SIPA1L3: variants seen among roughly 807,000 people sequenced by gnomAD.
SIPA1L3 encodes signal induced proliferation associated 1 like 3.
SIPA1L3 carries 59 observed loss-of-function variants against 150.1 expected under a neutral mutation model. The ratio of observed to expected loss-of-function variants is 0.39; its 90% CI spans 0.32 to 0.49. The LOEUF (loss-of-function observed/expected upper bound fraction) is 0.49. Ranked by LOEUF, SIPA1L3 falls within the 20% of genes least tolerant of loss-of-function variation. The pLI is 0.86. For synonymous variants in SIPA1L3, 1,070 were observed against 1,077.6 expected (o/e 0.99, Z 0.14); for missense variants, 2,211 against 2,489.5 (o/e 0.89, Z 2.38).
chr19:37,967,192 A>C (rs886378720), intron 1 of SIPA1L3, among the ~76,000 whole-genome samples: 3 of 150,346 alleles, frequency 2.0e-5, no homozygotes, highest in Admixed American at 6.6e-5. Context: ...CAGCACCCTG[A>C]TCTCTGCCCT....
intron 1 of SIPA1L3, among the ~76,000 whole-genome samples, chr19:37,977,843 T>C (rs556501923): frequency 5.3e-5 from 8 of 152,286 alleles, no homozygotes; most frequent in Admixed American, 4.6e-4. Context: ...GTCCAGAAAT[T>C]GAGGGTCCTG....
At position 37,923,822 on chromosome 19, in the gene SIPA1L3, C is replaced by T. The variant is rs751799316; in HGVS notation, c.-379+16464C>T. ...TTACCCAGGCTGGAGTGCAGTGGCA[C>T]GATCTTAGCTCACTGCAACCTCTGC... On this transcript the variant is annotated intron_variant, in intron 1 of 21. Coordinates refer to ENST00000222345, the MANE Select transcript of SIPA1L3 (RefSeq NM_015073.3). Among the ~76,000 whole-genome samples the T allele has an allele frequency of 5.6e-4, 85 of 151,650 alleles. 1 individual carries two copies. Among genetic ancestry groups the T allele is most frequent in the Non-Finnish European group, 1.8e-4 (12 of 67,948 alleles).
intron 16 of SIPA1L3, among the ~76,000 whole-genome samples, chr19:38,191,207 G>A (rs1315770715): frequency 6.6e-6 from 1 of 151,876 alleles, no homozygotes; most frequent in Non-Finnish European, 1.5e-5. Context: ...AGGAGTTTGG[G>A]ACTAGCCTGG....
chr19:37,992,610 C>T (rs1354799049), intron 1 of SIPA1L3, among the ~76,000 whole-genome samples: 1 of 151,478 alleles, frequency 6.6e-6, no homozygotes, highest in East Asian at 1.9e-4. Flanking sequence ...GAGATTGCGC[C>T]ACTGTACTCC....
At position 38,206,393 on chromosome 19, in the gene SIPA1L3, G is replaced by A. The variant is rs1448956613; in HGVS notation, c.*153G>A. 2 of 926,852 alleles carry A rather than the reference G, an allele frequency of 2.2e-6. No individual in the cohort carries two copies. The highest frequency in any genetic ancestry group is 3.2e-6 in the Non-Finnish European group (2 of 632,404). The allele number at this position is 926,852 out of a possible 1,614,324, so 57.4% of individuals were successfully genotyped here. A position where few individuals can be genotyped will look rare whatever the true frequency, so the allele number is the denominator to read the frequency against. ...CGGAAACTCCGATGGCCTCACTAGG[G>A]CTGTGAGTCAGGGTCAGCGCGCACA... On this transcript the variant is annotated 3_prime_UTR_variant, in exon 22 of 22. Coordinates refer to ENST00000222345, the MANE Select transcript of SIPA1L3 (RefSeq NM_015073.3).
chr19:38,128,073 T>G (rs1013498667), intron 9 of SIPA1L3, among the ~76,000 whole-genome samples: 1 of 133,284 alleles, frequency 7.5e-6, no homozygotes, highest in East Asian at 2.1e-4. Context: ...TTTTTTTTTT[T>G]TGAGACAGTC....
chr19:38,145,858 T>A (rs1971693462), intron 12 of SIPA1L3, among the ~76,000 whole-genome samples: 1 of 151,688 alleles, frequency 6.6e-6, no homozygotes, highest in South Asian at 2.1e-4. Flanking sequence ...TCATCTGTTC[T>A]GAGGCTCTTT....
chr19:38,059,091 T>C, intron 2 of SIPA1L3, among the ~76,000 whole-genome samples: 1 of 147,804 alleles, frequency 6.8e-6, no homozygotes, highest in Non-Finnish European at 1.5e-5. Flanking sequence ...AGTGGCACCA[T>C]CATAGCTCAA....
At chr19:38,020,864 G>C (rs1426474505) in intron 1 of SIPA1L3, among the ~76,000 whole-genome samples, 1 of 152,024 alleles carries the variant, frequency 6.6e-6, no homozygotes, top group Non-Finnish European at 1.5e-5. Flanking sequence ...CTGGAGTGCA[G>C]TGGCACTATC....
In SIPA1L3 at chr19:38,147,384, A is replaced by G. The variant is rs150200046; in HGVS notation, c.3533+4674A>G. On this transcript the variant is annotated intron_variant, in intron 12 of 21. Coordinates refer to ENST00000222345, the MANE Select transcript of SIPA1L3 (RefSeq NM_015073.3). The stretch of plus-strand genomic sequence containing the variant: ...CCAGCCTAAGTTTTTTATTCTGATA[A>G]AGCCCAAATTATCTTTTTTTTATTA... Among the ~76,000 whole-genome samples, 330 of 152,230 alleles carry G rather than the reference A, an allele frequency of 2.2e-3. 1 individual carries two copies. The highest frequency in any genetic ancestry group is 7.7e-3 in the African/African-American group (319 of 41,546).
At chr19:38,053,251 C>T (rs976803443) in intron 2 of SIPA1L3, among the ~76,000 whole-genome samples, 8 of 152,216 alleles carry the variant, frequency 5.3e-5, no homozygotes, top group African/African-American at 1.7e-4. Flanking sequence ...AAGAAAGCCT[C>T]GGTCAGAAGC....
intron 1 of SIPA1L3, among the ~76,000 whole-genome samples, chr19:37,908,996 T>C (rs1394664170): frequency 6.6e-6 from 1 of 152,214 alleles, no homozygotes; most frequent in East Asian, 1.9e-4. Context: ...AAACTCAGCA[T>C]GTCCAACCTG....
chr19:38,195,689 C>A (rs1204196363), intron 18 of SIPA1L3, among the ~76,000 whole-genome samples: 3 of 152,014 alleles, frequency 2.0e-5, no homozygotes, highest in African/African-American at 7.2e-5. Flanking sequence ...CGAATTCCTC[C>A]AGCTTGCTGT....
chr19:38,141,057 C>CA (rs551813100), intron 10 of SIPA1L3, 127 bp from the exon 11 acceptor site: 11,184 of 393,526 alleles, frequency 0.028, 49 homozygotes, highest in South Asian at 0.035. Context: ...GACTCTGTCT[C>CA]AAAAAAAAAA....
Position 38,141,171 on chromosome 19 carries a change from T to A in SIPA1L3, c.3144-13T>A. 1.3e-6 allele frequency: 2 copies of A among 1,560,916 alleles called. No individual in the cohort carries two copies. Among genetic ancestry groups the A allele is most frequent in the Non-Finnish European group, 1.7e-6 (2 of 1,151,882 alleles). On this transcript the variant is annotated splice_polypyrimidine_tract_variant and intron_variant, in intron 10 of 21. Coordinates refer to ENST00000222345, the MANE Select transcript of SIPA1L3 (RefSeq NM_015073.3). ...GCTGGGGCCTTTCTGAGTAATGCAG[T>A]TTTTCTCCCCAGGGGTTGGCCGGAG...
At chr19:38,161,340 CAAA>C (rs952754406) in intron 13 of SIPA1L3, among the ~76,000 whole-genome samples, 2 of 46,426 alleles carry the variant, frequency 4.3e-5, no homozygotes, top group African/African-American at 8.1e-5. Context: ...GACTCCGTCT[CAAA>C]AAAAAAAAAA....
At chr19:38,188,745 A>AC (rs370825328) in intron 16 of SIPA1L3, among the ~76,000 whole-genome samples, 13,014 of 150,848 alleles carry the variant, frequency 0.086, 736 homozygotes, top group Middle Eastern at 0.14. Context: ...ACATGGTGAA[A>AC]CCCCGTCTCT....
intron 1 of SIPA1L3, among the ~76,000 whole-genome samples, chr19:37,919,617 C>T (rs950395486): frequency 6.6e-6 from 1 of 151,374 alleles, no homozygotes; most frequent in East Asian, 2.0e-4. Context: ...ACCATTCTCA[C>T]TTGTTCCGGC....
intron 2 of SIPA1L3, among the ~76,000 whole-genome samples, chr19:38,029,691 C>T (rs1046781312): frequency 5.3e-5 from 8 of 151,996 alleles, no homozygotes; most frequent in Non-Finnish European, 8.8e-5. Context: ...CTCCGCCTCC[C>T]GGGTTCAAGC....
Sources: gnomAD v4.1 joint callset for allele counts (sites outside exome capture counted in the v4.1 genomes callset) on GRCh38, gnomAD v4.1.1 for gene constraint, MANE v1.5 for transcripts, NCBI Gene and HGNC (gene_info 2026-07-23, HGNC 2026-07-21) for gene names.